Variants in LAPTM4B observed in about 807,000 individuals in gnomAD.
The protein encoded by LAPTM4B is lysosomal protein transmembrane 4 beta.
LAPTM4B carries 26 observed loss-of-function variants against 28.5 expected under a neutral mutation model. The observed-to-expected ratio is 0.91, with a 90% CI of 0.67 to 1.27. The LOEUF is 1.27. Ranked by LOEUF, LAPTM4B falls within the 50% of genes most tolerant of loss-of-function variation. LAPTM4B has a pLI of 0.00. For synonymous variants in LAPTM4B, 109 were observed against 106.4 expected, an observed-to-expected ratio of 1.02 and a Z score of -0.15; for missense variants, 288 against 285.8, an observed-to-expected ratio of 1.01 and a Z score of -0.06.
chr8:97,820,713 C>T (rs1181043638), intron 5 of LAPTM4B, among the ~76,000 whole-genome samples: 1 of 151,614 alleles, frequency 6.6e-6, no homozygotes, highest in Non-Finnish European at 1.5e-5. Context: ...GCCTGGGTGA[C>T]AGAGTGAGAC....
chr8:97,833,977 C>A (rs1447288160), intron 6 of LAPTM4B, among the ~76,000 whole-genome samples: 2 of 151,872 alleles, frequency 1.3e-5, no homozygotes, highest in Non-Finnish European at 2.9e-5. Flanking sequence ...ATAATGAACT[C>A]ATTCCTCATT....
intron 6 of LAPTM4B, among the ~76,000 whole-genome samples, chr8:97,835,011 C>A (rs896649712): frequency 5.3e-5 from 8 of 152,176 alleles, no homozygotes; most frequent in African/African-American, 1.7e-4. Flanking sequence ...GTTACTGAAG[C>A]CTCCCTCTGA....
chr8:97,775,830 G>C lies in LAPTM4B; in HGVS notation c.-180G>C. Reference sequence around the variant, plus strand: ...GGTCGCCTTCGGAGCGAAGGGTACCGACCCGGCAGAAGCTCGGAGCTCTCG... The same window carrying C: ...GGTCGCCTTCGGAGCGAAGGGTACCCACCCGGCAGAAGCTCGGAGCTCTCG... On this transcript the variant is annotated 5_prime_UTR_variant, in exon 1 of 7. Transcript: ENST00000521545. 1 of 1,552,188 alleles carries C rather than the reference G, an allele frequency of 6.4e-7. No homozygotes were observed. The highest frequency in any genetic ancestry group is 2.4e-5 in the East Asian group (1 of 41,606).
At chr8:97,827,441 C>T (rs1285452542) in intron 6 of LAPTM4B, among the ~76,000 whole-genome samples, 1 of 152,168 alleles carries the variant, frequency 6.6e-6, no homozygotes, top group Non-Finnish European at 1.5e-5. Flanking sequence ...TGTTCCTTCC[C>T]CCATATCTAT....
At chr8:97,801,517 T>A (rs1232704921) in intron 1 of LAPTM4B, among the ~76,000 whole-genome samples, 1 of 152,080 alleles carries the variant, frequency 6.6e-6, no homozygotes, top group Admixed American at 6.6e-5. Flanking sequence ...TTTCGTTTGA[T>A]CCTATTTCAG....
intron 6 of LAPTM4B, among the ~76,000 whole-genome samples, chr8:97,841,384 A>G (rs909720766): frequency 7.2e-5 from 11 of 152,170 alleles, no homozygotes; most frequent in African/African-American, 2.7e-4. Context: ...CTGGAGTGCA[A>G]TGGCACGATC....
Position 97,775,940 on chromosome 8 carries a change from C to T in LAPTM4B, c.-70C>T, listed in dbSNP as rs768687341. 6.8e-7 allele frequency: 1 copy of T among 1,475,524 alleles called. No homozygotes were observed. The highest frequency in any genetic ancestry group is 1.5e-5 in the African/African-American group (1 of 68,506). The allele number at this position is 1,475,524 out of a possible 1,614,324, so 91.4% of individuals were successfully genotyped here. Reference sequence around the variant, plus strand: ...GGAGGAGCCGGCAGCAGCGGCGCGGCGGGCTCCAGGCGAGGCGGTCGACGC... The same window carrying T: ...GGAGGAGCCGGCAGCAGCGGCGCGGTGGGCTCCAGGCGAGGCGGTCGACGC... On this transcript the variant is annotated 5_prime_UTR_variant, in exon 1 of 7. Coordinates refer to ENST00000521545, the MANE Select transcript of LAPTM4B (RefSeq NM_018407.6).
intron 5 of LAPTM4B, among the ~76,000 whole-genome samples, chr8:97,820,727 G>A (rs62524123): frequency 0.46 from 69,375 of 150,918 alleles, 16,271 homozygotes; most frequent in East Asian, 0.58. Flanking sequence ...GTGAGACCCC[G>A]TCTTGTTGTT....
At chr8:97,777,164 T>TTTTTTTTG (rs1816234328) in intron 1 of LAPTM4B, among the ~76,000 whole-genome samples, 1 of 132,566 alleles carries the variant, frequency 7.5e-6, no homozygotes, top group African/African-American at 3.1e-5. Context: ...TTTTTTTTTT[T>TTTTTTTTG]GAGACAGAGT....
rs146268338 is a variant in LAPTM4B at position 97,820,726 on chromosome 8, C to T, written c.507+1488C>T. Among the ~76,000 whole-genome samples, 905 of 151,288 alleles carry T rather than the reference C, an allele frequency of 6.0e-3. 6 individuals are homozygous for T. The highest frequency in any genetic ancestry group is 0.021 in the African/African-American group (849 of 41,394). ...CAGCCTGGGTGACAGAGTGAGACCC[C>T]GTCTTGTTGTTGTTGTTGTTGAGAC... On this transcript the variant is annotated intron_variant, in intron 5 of 6. Coordinates refer to ENST00000521545, the MANE Select transcript of LAPTM4B (RefSeq NM_018407.6).
chr8:97,812,529 CTT>C, intron 2 of LAPTM4B, among the ~76,000 whole-genome samples: 1 of 152,166 alleles, frequency 6.6e-6, no homozygotes, highest in South Asian at 2.1e-4. Context: ...TTCAAGGAGA[CTT>C]TTTGCAAAAG....
chr8:97,830,803 G>A (rs1408383758), intron 6 of LAPTM4B, among the ~76,000 whole-genome samples: 2 of 152,054 alleles, frequency 1.3e-5, no homozygotes, highest in Non-Finnish European at 2.9e-5. Flanking sequence ...ACTGACCGTC[G>A]GGCTAGGATG....
chr8:97,805,050 T>C (rs1384174257), intron 1 of LAPTM4B, among the ~76,000 whole-genome samples: 1 of 152,188 alleles, frequency 6.6e-6, no homozygotes, highest in Non-Finnish European at 1.5e-5. Flanking sequence ...GGCTGATGCC[T>C]GTGTTTGTGT....
chr8:97,797,425 G>A (rs926624506), intron 1 of LAPTM4B, among the ~76,000 whole-genome samples: 2 of 152,034 alleles, frequency 1.3e-5, no homozygotes, highest in Admixed American at 1.3e-4. Context: ...GAGCCACCGC[G>A]CCCGGCTGGA....
chr8:97,803,205 A>G (rs1321995492), intron 1 of LAPTM4B, among the ~76,000 whole-genome samples: 1 of 152,012 alleles, frequency 6.6e-6, no homozygotes, highest in African/African-American at 2.4e-5. Flanking sequence ...TCTCAAAAAA[A>G]AAAGAAAAAA....
intron 6 of LAPTM4B, among the ~76,000 whole-genome samples, chr8:97,849,099 G>A (rs1817477469): frequency 6.6e-6 from 1 of 152,126 alleles, no homozygotes; most frequent in Non-Finnish European, 1.5e-5. Context: ...GTTCACTGTA[G>A]CAAACACCTT....
In LAPTM4B at chr8:97,815,368, G is replaced by A; in HGVS notation, c.252G>A (p.Leu84=). Residue 84 remains leucine (L), a synonymous_variant, in exon 3 of 7, where the codon CTG becomes CTA. Transcript: ENST00000521545. ...TTGCGATTTCTCTTCTCATGATCCT[G>A]ATATGTGCTATGGCTACTTACGGAG... ...IAIAISLLMI[L]ICAMATYGAY... 6.2e-7 allele frequency: 1 copy of A among 1,613,992 alleles called. No homozygotes were observed. The highest frequency in any genetic ancestry group is 1.1e-5 in the South Asian group (1 of 91,074).
At position 97,789,651 on chromosome 8, in the gene LAPTM4B, G is replaced by T. The variant is rs1012343878; in HGVS notation, c.99+13543G>T. Among the ~76,000 whole-genome samples the T allele has an allele frequency of 1.6e-4, 25 of 151,752 alleles. No individual in the cohort carries two copies. In the East Asian group the frequency reaches 4.8e-3, roughly 29 times the overall value. ...CAAGCAATTCTTCTCCCGAGTAGCT[G>T]GGATTACAGGCATGCACCATCATAC... On this transcript the variant is annotated intron_variant, in intron 1 of 6. Transcript: ENST00000521545.
At chr8:97,779,185 T>G (rs1816270127) in intron 1 of LAPTM4B, among the ~76,000 whole-genome samples, 1 of 151,970 alleles carries the variant, frequency 6.6e-6, no homozygotes, top group African/African-American at 2.4e-5. Context: ...GAGTGAGCAC[T>G]GTCTCTTAAC....
Sources: gnomAD v4.1 joint callset for allele counts (sites outside exome capture counted in the v4.1 genomes callset) on GRCh38, gnomAD v4.1.1 for gene constraint, MANE v1.5 for transcripts, NCBI Gene and HGNC (gene_info 2026-07-23, HGNC 2026-07-21) for gene names.